ANK2: variants seen among roughly 807,000 people sequenced by gnomAD.
ANK2 encodes ankyrin-2.
In ANK2, 83 loss-of-function variants were observed where a neutral mutation model predicts 360.5. That is an observed-to-expected ratio of 0.23 (90% CI 0.19 to 0.28). The LOEUF (loss-of-function observed/expected upper bound fraction) is 0.28, where lower values mean the gene tolerates loss of function less well. Ranked by LOEUF, ANK2 falls within the 10% of genes least tolerant of loss-of-function variation. The pLI is 1.00. For synonymous variants in ANK2, 1,740 were observed against 1,759.5 expected (o/e 0.99, Z 0.28); for missense variants, 4,201 against 4,795.7 (o/e 0.88, Z 3.66).
intron 1 of ANK2, among the ~76,000 whole-genome samples, chr4:112,824,754 G>A (rs1019711828): frequency 9.3e-5 from 14 of 150,756 alleles, no homozygotes; most frequent in African/African-American, 3.4e-4. Context: ...TACCCACCTC[G>A]GCCTCTCAAA....
At chr4:113,107,554 G>A (rs183323166) in intron 1 of ANK2, among the ~76,000 whole-genome samples, 2 of 152,220 alleles carry the variant, frequency 1.3e-5, no homozygotes, top group East Asian at 3.9e-4. Context: ...GTCATAAAGA[G>A]TGTGAGCTTA....
chr4:112,864,825 G>A lies in ANK2; in HGVS notation c.-39-39630G>A, dbSNP rs1446562000. On this transcript the variant is annotated intron_variant, in intron 1 of 30. Coordinates refer to the ANK2 transcript ENST00000503271. ...AGGCGGGCGGATCACGAGGTCAGGA[G>A]ATTGAGACCATCCTGGCTAACACGT... 2.0e-5 allele frequency among the ~76,000 whole-genome samples: 3 copies of A among 150,766 alleles called. No homozygotes were observed. In the East Asian group the frequency reaches 6.0e-4, roughly 30 times the overall value.
chr4:112,735,945 T>C, the ANK2 span, among the ~76,000 whole-genome samples: 1 of 152,210 alleles, frequency 6.6e-6, no homozygotes, highest in African/African-American at 2.4e-5. Flanking sequence ...TGTCTTTTTG[T>C]GATTGGTTTA....
chr4:112,938,976 A>G (rs1188886777), intron 2 of ANK2, among the ~76,000 whole-genome samples: 1 of 152,234 alleles, frequency 6.6e-6, no homozygotes, highest in Non-Finnish European at 1.5e-5. Flanking sequence ...TATTTAAAAT[A>G]AAAAGATTAT....
chr4:113,145,798 C>T, intron 1 of ANK2: 1 of 1,263,790 alleles, frequency 7.9e-7, no homozygotes, highest in Non-Finnish European at 1.0e-6. Flanking sequence ...CATTAGTGTA[C>T]CCCTGGGAGC....
At chr4:113,167,499 A>T (rs775199551) in intron 1 of ANK2, among the ~76,000 whole-genome samples, 1 of 151,882 alleles carries the variant, frequency 6.6e-6, no homozygotes, top group Non-Finnish European at 1.5e-5. Context: ...GGGTTTCACC[A>T]TGTTGGTCAG....
At chr4:112,881,936 G>C (rs752307951) in intron 1 of ANK2, 4 of 661,370 alleles carry the variant, frequency 6.0e-6, no homozygotes, top group African/African-American at 1.8e-5. Flanking sequence ...TTGCATTCAC[G>C]GCTGCCATCT....
At chr4:113,266,821 G>A (rs945597946) in intron 14 of ANK2, among the ~76,000 whole-genome samples, 2 of 152,102 alleles carry the variant, frequency 1.3e-5, no homozygotes, top group Non-Finnish European at 2.9e-5. Flanking sequence ...AGGTTGCGGT[G>A]AGCTGAGATC....
At chr4:112,958,139 C>T (rs1280340401) in intron 2 of ANK2, among the ~76,000 whole-genome samples, 17 of 151,866 alleles carry the variant, frequency 1.1e-4, no homozygotes, top group Admixed American at 3.3e-4. Context: ...GGGCTCCTCA[C>T]GTCCCAGACG....
chr4:112,780,031 T>G, the ANK2 span, among the ~76,000 whole-genome samples: 1 of 152,022 alleles, frequency 6.6e-6, no homozygotes, highest in African/African-American at 2.4e-5. Context: ...AAGACCAGCT[T>G]GGGAAACATG....
chr4:112,843,138 T>C (rs2062510861), intron 1 of ANK2, among the ~76,000 whole-genome samples: 1 of 152,218 alleles, frequency 6.6e-6, no homozygotes, highest in African/African-American at 2.4e-5. Flanking sequence ...ATCCTTAATT[T>C]AATCACACAT....
chr4:113,287,001 A>G (rs1263711950), intron 18 of ANK2, among the ~76,000 whole-genome samples: 20 of 152,176 alleles, frequency 1.3e-4, no homozygotes, highest in Non-Finnish European at 2.9e-5. Flanking sequence ...TCAAATAATT[A>G]CTTGATGTAT....
At chr4:113,021,686 ATATT>A (rs1489643907) in intron 2 of ANK2, among the ~76,000 whole-genome samples, 2 of 150,976 alleles carry the variant, frequency 1.3e-5, no homozygotes, top group African/African-American at 4.9e-5. Flanking sequence ...ATTGAATGAG[ATATT>A]TATTACGCAT....
chr4:113,195,587 C>T (rs1039758567), intron 2 of ANK2, among the ~76,000 whole-genome samples: 6 of 151,958 alleles, frequency 3.9e-5, no homozygotes, highest in South Asian at 4.2e-4. Flanking sequence ...ATTAGAATAC[C>T]GTCTGTATAA....
At chr4:112,789,814 A>G in the ANK2 span, among the ~76,000 whole-genome samples, 1 of 152,246 alleles carries the variant, frequency 6.6e-6, no homozygotes, top group Non-Finnish European at 1.5e-5. Flanking sequence ...AAGGTGGAAG[A>G]CTTGAAGGCA....
chr4:113,024,727 A>G (rs1332808183), intron 2 of ANK2, among the ~76,000 whole-genome samples: 2 of 152,136 alleles, frequency 1.3e-5, no homozygotes, highest in African/African-American at 4.8e-5. Context: ...AGAGCATACA[A>G]TGAATGCTAT....
chr4:112,892,015 A>C (rs1313067267), intron 1 of ANK2, among the ~76,000 whole-genome samples: 5 of 152,212 alleles, frequency 3.3e-5, no homozygotes, highest in African/African-American at 1.2e-4. Flanking sequence ...ATTTCAAAAA[A>C]GACATAAAAG....
chr4:113,383,063 C>G lies in ANK2; in HGVS notation c.*1592C>G, dbSNP rs1221690401. The G allele has an allele frequency of 6.6e-6, 1 of 152,424 alleles. No individual in the cohort carries two copies. The highest frequency in any genetic ancestry group is 1.5e-5 in the Non-Finnish European group (1 of 68,010). 9.4% of individuals were successfully genotyped at this position (152,424 alleles called of 1,614,324 possible). ...TAAACAGTATACATTTTGAATCAGT[C>G]ATTTGTTAAAGAAAAGTATATTCAA... is the stretch of plus-strand genomic sequence containing the variant. On this transcript the variant is annotated 3_prime_UTR_variant, in exon 46 of 46. Coordinates refer to ENST00000357077, the MANE Select transcript of ANK2 (RefSeq NM_001148.6).
intron 2 of ANK2, among the ~76,000 whole-genome samples, chr4:112,917,120 C>T (rs886924348): frequency 1.3e-5 from 2 of 152,306 alleles, no homozygotes; most frequent in Non-Finnish European, 2.9e-5. Flanking sequence ...CTAGACCTCA[C>T]GGTTTGTGGA....
Sources: gnomAD v4.1 joint callset for allele counts (sites outside exome capture counted in the v4.1 genomes callset) on GRCh38, gnomAD v4.1.1 for gene constraint, MANE v1.5 for transcripts, NCBI Gene and HGNC (gene_info 2026-07-23, HGNC 2026-07-21) for gene names.